GALNT17: variants seen among roughly 807,000 people sequenced by gnomAD.
GALNT17 encodes the protein polypeptide N-acetylgalactosaminyltransferase 17, also known as UDP-GalNAc:polypeptide N-acetylgalactosaminyltransferase-like 3.
GALNT17 carries 29 observed loss-of-function variants against 63.7 expected under a neutral mutation model. The observed-to-expected ratio is 0.46, with a 90% CI of 0.34 to 0.62. The LOEUF (loss-of-function observed/expected upper bound fraction) is 0.62. Ranked by LOEUF, GALNT17 falls within the 20% of genes least tolerant of loss-of-function variation. The pLI is 0.01. For missense variants in GALNT17, 603 were observed against 799.6 expected, an observed-to-expected ratio of 0.75 and a Z score of 2.97; for synonymous variants, 305 against 318.3, an observed-to-expected ratio of 0.96 and a Z score of 0.45.
chr7:71,652,753 AAAG>A (rs1040251081), intron 6 of GALNT17, among the ~76,000 whole-genome samples: 33 of 152,280 alleles, frequency 2.2e-4, no homozygotes, highest in African/African-American at 7.7e-4. Context: ...CTTTTGGTAA[AAAG>A]AAGAATTCCT....
At chr7:71,240,574 A>G (rs780600100) in intron 1 of GALNT17, among the ~76,000 whole-genome samples, 7 of 152,162 alleles carry the variant, frequency 4.6e-5, no homozygotes, top group Non-Finnish European at 8.8e-5. Context: ...AATGGCCTCC[A>G]GCTGCATCCA....
intron 6 of GALNT17, among the ~76,000 whole-genome samples, chr7:71,616,273 A>G (rs1790201066): frequency 6.6e-6 from 1 of 151,778 alleles, no homozygotes; most frequent in South Asian, 2.1e-4. Context: ...AGACAAGTAA[A>G]TTCCAGATTC....
intron 6 of GALNT17, among the ~76,000 whole-genome samples, chr7:71,573,586 A>G (rs900359263): frequency 4.0e-5 from 6 of 150,098 alleles, no homozygotes; most frequent in African/African-American, 1.5e-4. Context: ...TGCCCACCTC[A>G]GCCTCCCAAA....
intron 6 of GALNT17, among the ~76,000 whole-genome samples, chr7:71,606,185 G>T (rs1341019456): frequency 1.3e-5 from 2 of 149,026 alleles, no homozygotes; most frequent in African/African-American, 5.0e-5. Flanking sequence ...AAACTCCTGG[G>T]CTCAAGCAGT....
chr7:71,608,551 G>A (rs756261667), intron 6 of GALNT17, among the ~76,000 whole-genome samples: 1 of 152,192 alleles, frequency 6.6e-6, no homozygotes, highest in Non-Finnish European at 1.5e-5. Flanking sequence ...CTCTGCTATT[G>A]TAACAGCAAA....
intron 2 of GALNT17, among the ~76,000 whole-genome samples, chr7:71,383,814 G>A (rs1488249602): frequency 6.6e-6 from 1 of 152,132 alleles, no homozygotes; most frequent in Non-Finnish European, 1.5e-5. Context: ...CTGTGGATTA[G>A]AAAGGCTGAC....
intron 3 of GALNT17, among the ~76,000 whole-genome samples, chr7:71,403,761 A>G (rs184796099): frequency 1.5e-4 from 23 of 152,240 alleles, no homozygotes; most frequent in Middle Eastern, 3.4e-3. Context: ...CGTTTAAAGA[A>G]AACTCGAGGA....
At chr7:71,592,526 T>TAAA (rs1789819168) in intron 6 of GALNT17, among the ~76,000 whole-genome samples, 1 of 102,542 alleles carries the variant, frequency 9.8e-6, no homozygotes, top group Non-Finnish European at 2.0e-5. Context: ...TAAAATAAAA[T>TAAA]AAAATAAAAT....
intron 6 of GALNT17, among the ~76,000 whole-genome samples, chr7:71,612,899 A>C (rs920298531): frequency 6.6e-6 from 1 of 152,192 alleles, no homozygotes; most frequent in African/African-American, 2.4e-5. Flanking sequence ...GTATTTCTTT[A>C]TCTGGTCAGA....
intron 6 of GALNT17, among the ~76,000 whole-genome samples, chr7:71,588,017 A>G (rs1562701799): frequency 6.6e-6 from 1 of 152,220 alleles, no homozygotes; most frequent in Non-Finnish European, 1.5e-5. Context: ...TCTCTAAGGA[A>G]TCCCAATCCC....
intron 5 of GALNT17, among the ~76,000 whole-genome samples, chr7:71,449,337 C>T (rs1158535634): frequency 6.6e-6 from 1 of 151,982 alleles, no homozygotes; most frequent in Non-Finnish European, 1.5e-5. Context: ...CTCCTGACAT[C>T]AAATGATCCA....
chr7:71,382,501 GA>G (rs1202024959), intron 2 of GALNT17, among the ~76,000 whole-genome samples: 1 of 152,168 alleles, frequency 6.6e-6, no homozygotes, highest in Non-Finnish European at 1.5e-5. Flanking sequence ...TATGACTGTT[GA>G]AGTCAAAGGT....
In GALNT17 at chr7:71,346,026, TAAA is replaced by T. The variant is rs35499113; in HGVS notation, c.422+10311_422+10313del. On this transcript the variant is annotated intron_variant, in intron 2 of 10. Transcript: ENST00000333538. ...AGTGAGACCTGTCTCTACTAAAAAT[TAAA>T]AAAAAAAAAAAAAAAAAGCTGGATA... Among the ~76,000 whole-genome samples, 860 of 127,200 alleles carry T rather than the reference TAAA, an allele frequency of 6.8e-3. 7 individuals carry two copies. Among genetic ancestry groups the T allele is most frequent in the African/African-American group, 0.023 (767 of 34,002 alleles). The allele number at this position is 127,200 out of a possible 152,430, so 83.4% of individuals were successfully genotyped here. A position where few individuals can be genotyped will look rare whatever the true frequency, so the allele number is the denominator to read the frequency against.
At chr7:71,314,500 G>A (rs564230504) in intron 1 of GALNT17, among the ~76,000 whole-genome samples, 10 of 152,306 alleles carry the variant, frequency 6.6e-5, no homozygotes, top group African/African-American at 9.6e-5. Context: ...CACTCCAAGC[G>A]TGATGGTCAT....
chr7:71,686,243 C>T (rs990370155), intron 9 of GALNT17, among the ~76,000 whole-genome samples: 8 of 152,150 alleles, frequency 5.3e-5, no homozygotes, highest in African/African-American at 1.4e-4. Flanking sequence ...GCGTAAGCCA[C>T]GGCGCCCAGC....
chr7:71,180,349 C>T (rs1788713979), intron 1 of GALNT17, among the ~76,000 whole-genome samples: 1 of 152,088 alleles, frequency 6.6e-6, no homozygotes, highest in South Asian at 2.1e-4. Context: ...TTCTCAAACT[C>T]CTGAGCTCAG....
intron 1 of GALNT17, among the ~76,000 whole-genome samples, chr7:71,252,135 C>A (rs1790209303): frequency 6.6e-6 from 1 of 151,692 alleles, no homozygotes; most frequent in South Asian, 2.1e-4. Flanking sequence ...TACCCGATAT[C>A]CTTTTTTTGT....
At chr7:71,377,114 A>AAAAAAAATATATATATATATATATAT in intron 2 of GALNT17, among the ~76,000 whole-genome samples, 1 of 57,484 alleles carries the variant, frequency 1.7e-5, no homozygotes, top group Non-Finnish European at 3.0e-5. Context: ...AAATAAAAAA[A>AAAAAAAATATATATATATATATATAT]ATATATATAT....
At chr7:71,661,773 C>T (rs750666689) in intron 6 of GALNT17, among the ~76,000 whole-genome samples, 1 of 152,156 alleles carries the variant, frequency 6.6e-6, no homozygotes, top group Non-Finnish European at 1.5e-5. Context: ...GAGTCCTCCC[C>T]AGACTCTACA....
Sources: allele counts gnomAD v4.1 joint callset (sites outside exome capture counted in the v4.1 genomes callset), GRCh38; gene constraint gnomAD v4.1.1; transcripts MANE v1.5; gene names NCBI Gene and HGNC (gene_info 2026-07-23, HGNC 2026-07-21).